CALN1: variants seen among roughly 807,000 people sequenced by gnomAD.
The protein encoded by CALN1 is calcium-binding protein 8.
In CALN1, 17 loss-of-function variants were observed where a neutral mutation model predicts 30.6. The observed-to-expected ratio is 0.56, with a 90% CI of 0.38 to 0.83. CALN1 has a LOEUF of 0.83. Ranked by LOEUF, CALN1 falls within the 40% of genes least tolerant of loss-of-function variation. The probability of loss-of-function intolerance (pLI) is 0.00; values close to 1 mark genes in which losing one functional copy is unlikely to be tolerated. For missense variants in CALN1, 291 were observed against 354.9 expected, an observed-to-expected ratio of 0.82 and a Z score of 1.45; for synonymous variants, 156 against 131.4, an observed-to-expected ratio of 1.19 and a Z score of -1.28.
Position 71,819,688 on chromosome 7 carries a change from A to AT in CALN1, c.502-9197dup, listed in dbSNP as rs977415622. Among the ~76,000 whole-genome samples, 103 of 151,826 alleles carry AT rather than the reference A, an allele frequency of 6.8e-4. No individual in the cohort carries two copies. In the Middle Eastern group the frequency reaches 0.014, roughly 20 times the overall value. On this transcript the variant is annotated intron_variant, in intron 5 of 6. Coordinates refer to ENST00000395275, the MANE Select transcript of CALN1 (RefSeq NM_031468.4). ...CTGCAAACCCAACAACCACCACTCT[A>AT]TTTTTTGTTTCTCTGTGTCTTTGAC...
chr7:72,392,893 G>A (rs138786067), intron 2 of CALN1, among the ~76,000 whole-genome samples: 46 of 152,062 alleles, frequency 3.0e-4, no homozygotes, highest in East Asian at 9.7e-4. Context: ...CAGCTACTTC[G>A]GAGGCTGAGG....
At chr7:72,236,148 T>C (rs1794464357) in intron 3 of CALN1, among the ~76,000 whole-genome samples, 1 of 151,912 alleles carries the variant, frequency 6.6e-6, no homozygotes, top group Admixed American at 6.6e-5. Flanking sequence ...TCCAATTTCT[T>C]ACAAGCTGAA....
rs921717142 is a variant in CALN1 at position 72,170,033 on chromosome 7, G to A, written c.245-63739C>T. Among the ~76,000 whole-genome samples, 44 of 152,096 alleles carry A rather than the reference G, an allele frequency of 2.9e-4. 1 individual carries two copies. ...TTTCTTAGGGACAGGATCACACTCT[G>A]TCACCCAGGCTGGAGTGCAATGGTG... On this transcript the variant is annotated intron_variant, in intron 3 of 6. Coordinates refer to ENST00000395275, the MANE Select transcript of CALN1 (RefSeq NM_031468.4).
rs566065557 is a variant in CALN1, at chr7:71,869,394, T to C, written c.502-58902A>G. Among the ~76,000 whole-genome samples, 7 of 152,226 alleles carry C rather than the reference T, an allele frequency of 4.6e-5. No homozygotes were observed. The South Asian group carries it at 1.2e-3, about 27-fold the overall frequency. ...CCTGGCTAATTTTTTGTGTTTTTAGTAGAAACGGTGTTTCACCATATTAGC... is the reference window on the plus strand; with the variant it reads ...CCTGGCTAATTTTTTGTGTTTTTAGCAGAAACGGTGTTTCACCATATTAGC... On this transcript the variant is annotated intron_variant, in intron 5 of 6. Transcript: ENST00000395275.
At chr7:72,499,830 T>TTCG in the CALN1 span, among the ~76,000 whole-genome samples, 1 of 29,510 alleles carries the variant, frequency 3.4e-5, no homozygotes, top group East Asian at 9.6e-4. Flanking sequence ...TCCTTCCTTC[T>TTCG]TTCTTTCTTT....
At chr7:72,171,638 G>A (rs1478543747) in intron 3 of CALN1, among the ~76,000 whole-genome samples, 1 of 151,968 alleles carries the variant, frequency 6.6e-6, no homozygotes, top group Non-Finnish European at 1.5e-5. Flanking sequence ...CCCACATCCA[G>A]GACTAACATG....
At chr7:72,246,510 T>TA (rs1213688709) in intron 3 of CALN1, among the ~76,000 whole-genome samples, 2 of 152,112 alleles carry the variant, frequency 1.3e-5, no homozygotes, top group Non-Finnish European at 2.9e-5. Context: ...AGTAACTCTA[T>TA]AATTCCGTGA....
intron 5 of CALN1, among the ~76,000 whole-genome samples, chr7:71,966,132 T>A (rs140894600): frequency 1.3e-5 from 2 of 152,332 alleles, no homozygotes; most frequent in Admixed American, 1.3e-4. Flanking sequence ...AACAAATAGT[T>A]CTGGTGCTCC....
At chr7:72,334,823 T>C (rs1320108) in intron 2 of CALN1, among the ~76,000 whole-genome samples, 149,889 of 152,344 alleles carry the variant, frequency 0.98, 73,777 homozygotes, top group Middle Eastern at 1. Context: ...ACTTCACCAT[T>C]GTAGAACAGC....
intron 5 of CALN1, among the ~76,000 whole-genome samples, chr7:71,960,169 AT>A (rs1156273942): frequency 5.8e-5 from 8 of 139,058 alleles, no homozygotes; most frequent in African/African-American, 1.6e-4. Context: ...AAATAAATAA[AT>A]AAATAAATAA....
chr7:72,046,488 G>T (rs1040131929), intron 4 of CALN1, among the ~76,000 whole-genome samples: 1 of 151,896 alleles, frequency 6.6e-6, no homozygotes, highest in East Asian at 1.9e-4. Context: ...GAGGCAGGTG[G>T]ATCACCTGAG....
intron 3 of CALN1, among the ~76,000 whole-genome samples, chr7:72,243,744 T>A (rs1321352709): frequency 6.6e-6 from 1 of 152,144 alleles, no homozygotes; most frequent in East Asian, 1.9e-4. Flanking sequence ...GACAGCAAAG[T>A]GGGCCATAGA....
At chr7:72,177,280 T>C (rs1007581064) in intron 3 of CALN1, among the ~76,000 whole-genome samples, 3 of 152,116 alleles carry the variant, frequency 2.0e-5, no homozygotes, top group African/African-American at 7.2e-5. Flanking sequence ...AGGAGGACAC[T>C]TGGAGGAGGA....
At chr7:71,925,901 T>A (rs1016232185) in intron 5 of CALN1, among the ~76,000 whole-genome samples, 27 of 152,250 alleles carry the variant, frequency 1.8e-4, no homozygotes, top group African/African-American at 6.5e-4. Flanking sequence ...CGGCCCAGGC[T>A]GGAGTGCAGT....
At chr7:72,204,789 A>T (rs550265735) in intron 3 of CALN1, among the ~76,000 whole-genome samples, 1 of 152,220 alleles carries the variant, frequency 6.6e-6, no homozygotes, top group African/African-American at 2.4e-5. Context: ...TCTTTGCTAC[A>T]GTGTAGAATG....
chr7:72,294,258 T>C (rs6946854), intron 2 of CALN1, among the ~76,000 whole-genome samples: 2,231 of 152,226 alleles, frequency 0.015, 69 homozygotes, highest in African/African-American at 0.051. Flanking sequence ...TGAGGAAATA[T>C]TGTAAGTCAA....
At chr7:72,092,630 A>T (rs1805948391) in intron 4 of CALN1, among the ~76,000 whole-genome samples, 1 of 45,166 alleles carries the variant, frequency 2.2e-5, no homozygotes, top group Non-Finnish European at 4.2e-5. Context: ...TCTAGTAAAA[A>T]AAAAAAAAAA....
At chr7:72,397,714 T>TCACTCACACACA (rs1554400010) in intron 2 of CALN1, among the ~76,000 whole-genome samples, 8 of 142,806 alleles carry the variant, frequency 5.6e-5, no homozygotes, top group South Asian at 2.3e-4. Context: ...CCATTCTCTC[T>TCACTCACACACA]CACACACACA....
chr7:72,191,180 G>C (rs1790570716), intron 3 of CALN1, among the ~76,000 whole-genome samples: 1 of 152,184 alleles, frequency 6.6e-6, no homozygotes, highest in South Asian at 2.1e-4. Context: ...GGGAAGACAA[G>C]AAGAATGCGA....
Sources: allele counts gnomAD v4.1 joint callset (sites outside exome capture counted in the v4.1 genomes callset), GRCh38; gene constraint gnomAD v4.1.1; transcripts MANE v1.5; gene names NCBI Gene and HGNC (gene_info 2026-07-23, HGNC 2026-07-21).